GRIK2: variants seen among roughly 807,000 people sequenced by gnomAD.
GRIK2 encodes the protein glutamate ionotropic receptor kainate type subunit 2, also known as glutamate receptor ionotropic, kainate 2.
A neutral mutation model predicts 100.3 loss-of-function variants in GRIK2; 32 were observed. That is an observed-to-expected ratio of 0.32 (90% CI 0.24 to 0.43). GRIK2 has a LOEUF of 0.43. GRIK2 is among the 20% of genes least tolerant of loss of function. GRIK2 has a pLI of 1.00. For synonymous variants in GRIK2, 417 were observed against 389.4 expected (o/e 1.07, Z -0.83); for missense variants, 843 against 1,114.9 (o/e 0.76, Z 3.47).
At chr6:101,595,928 G>C (rs144689233) in intron 2 of GRIK2, among the ~76,000 whole-genome samples, 1 of 147,732 alleles carries the variant, frequency 6.8e-6, no homozygotes, top group Admixed American at 6.8e-5. Context: ...CTCTGCCCCG[G>C]TGTTCAGCTA....
At chr6:101,850,661 C>T (rs150164995) in intron 10 of GRIK2, among the ~76,000 whole-genome samples, 94 of 151,978 alleles carry the variant, frequency 6.2e-4, no homozygotes, top group African/African-American at 2.1e-3. Flanking sequence ...GTGCCAACTC[C>T]CAGTCTAATG....
Position 101,548,514 on chromosome 6 carries a change from G to A in GRIK2, c.116-73435G>A, listed in dbSNP as rs181465162. On this transcript the variant is annotated intron_variant, in intron 2 of 16. Coordinates refer to ENST00000369134, the MANE Select transcript of GRIK2 (RefSeq NM_021956.5). The stretch of plus-strand genomic sequence containing the variant: ...ATTTTTGTATAAGGTGTAAGGAAGG[G>A]GTCCAGTTTCAGCTTTCTACATATG... Among the ~76,000 whole-genome samples the A allele has an allele frequency of 6.6e-5, 10 of 152,218 alleles. No homozygotes were observed. The East Asian group carries it at 1.7e-3, about 26-fold the overall frequency.
chr6:101,421,223 G>A (rs1050318983), intron 2 of GRIK2, among the ~76,000 whole-genome samples: 4 of 152,168 alleles, frequency 2.6e-5, no homozygotes, highest in African/African-American at 9.7e-5. Flanking sequence ...TCTGCTCTGA[G>A]GAGCTCCATT....
At chr6:101,713,938 C>G (rs1773889517) in intron 7 of GRIK2, among the ~76,000 whole-genome samples, 1 of 151,704 alleles carries the variant, frequency 6.6e-6, no homozygotes, top group Non-Finnish European at 1.5e-5. Context: ...GAATTGCTTT[C>G]TTTCCTTCAT....
At chr6:101,910,156 G>A (rs1788573428) in intron 12 of GRIK2, among the ~76,000 whole-genome samples, 1 of 150,996 alleles carries the variant, frequency 6.6e-6, no homozygotes, top group Non-Finnish European at 1.5e-5. Context: ...AGTGGTATAT[G>A]TTTCTAAATT....
chr6:101,868,890 G>A (rs1174036605), intron 11 of GRIK2, among the ~76,000 whole-genome samples: 2 of 151,620 alleles, frequency 1.3e-5, no homozygotes, highest in Non-Finnish European at 2.9e-5. Flanking sequence ...ACATTTTTAG[G>A]TACTGAGAAA....
chr6:101,703,811 G>A (rs902432552), intron 7 of GRIK2, among the ~76,000 whole-genome samples: 25 of 151,442 alleles, frequency 1.7e-4, no homozygotes, highest in Admixed American at 4.0e-4. Context: ...TTAGATAGAA[G>A]CAGGGATTGT....
intron 2 of GRIK2, among the ~76,000 whole-genome samples, chr6:101,554,955 T>C (rs1431054864): frequency 1.3e-5 from 2 of 152,170 alleles, no homozygotes; most frequent in African/African-American, 4.8e-5. Context: ...ATCTTACAGC[T>C]ACATAGAAAA....
In GRIK2 at chr6:101,512,070, A is replaced by G. The variant is rs559907264; in HGVS notation, c.116-109879A>G. On this transcript the variant is annotated intron_variant, in intron 2 of 16. Coordinates refer to ENST00000369134, the MANE Select transcript of GRIK2 (RefSeq NM_021956.5). ...AAAAGATACATACATATATATATAT[A>G]TATATACACACATACATGAATACTT... is the stretch of plus-strand genomic sequence containing the variant. Among the ~76,000 whole-genome samples the G allele has an allele frequency of 4.8e-3, 730 of 151,582 alleles. 5 individuals carry two copies. The highest frequency in any genetic ancestry group is 0.017 in the African/African-American group (687 of 41,486).
At chr6:101,582,169 A>T (rs1410804558) in intron 2 of GRIK2, among the ~76,000 whole-genome samples, 1 of 152,020 alleles carries the variant, frequency 6.6e-6, no homozygotes, top group African/African-American at 2.4e-5. Flanking sequence ...TGCTGCACCC[A>T]TCAATCCATC....
chr6:101,500,557 C>T (rs1773693910), intron 2 of GRIK2, among the ~76,000 whole-genome samples: 2 of 151,980 alleles, frequency 1.3e-5, no homozygotes, highest in Admixed American at 6.6e-5. Context: ...TCAAAGTTTT[C>T]GGTCTCTAAT....
Position 101,621,984 on chromosome 6 carries a change from G to T in GRIK2, c.151G>T (p.Gly51Ter). The change falls in exon 3 of 17, where the codon GGA becomes TGA. Residue 51 changes from glycine to a stop codon, truncating the protein, a stop_gained. Transcript: ENST00000369134. LOFTEE classifies it high-confidence loss of function. ...IFEYVESGPM[G>*]AEELAFRFAV... ...TGAATATGTGGAATCTGGCCCAATGGGAGCTGAGGAACTTGCATTCAGATT... is the reference window on the plus strand; with the variant it reads ...TGAATATGTGGAATCTGGCCCAATGTGAGCTGAGGAACTTGCATTCAGATT... 1 of 1,610,136 alleles carries T rather than the reference G, an allele frequency of 6.2e-7. No homozygotes were observed. The highest frequency in any genetic ancestry group is 8.5e-7 in the Non-Finnish European group (1 of 1,176,712).
chr6:101,950,799 A>C (rs1328448781), intron 14 of GRIK2, among the ~76,000 whole-genome samples: 1 of 152,142 alleles, frequency 6.6e-6, no homozygotes, highest in Non-Finnish European at 1.5e-5. Flanking sequence ...AACACATTCC[A>C]CTGGATTCAA....
At chr6:101,718,942 G>T (rs1201823092) in intron 7 of GRIK2, among the ~76,000 whole-genome samples, 1 of 151,788 alleles carries the variant, frequency 6.6e-6, no homozygotes, top group Non-Finnish European at 1.5e-5. Flanking sequence ...ATGGAGAAAA[G>T]TTTCTGCAAT....
At chr6:101,718,571 T>C (rs1221073136) in intron 7 of GRIK2, among the ~76,000 whole-genome samples, 1 of 151,950 alleles carries the variant, frequency 6.6e-6, no homozygotes, top group Non-Finnish European at 1.5e-5. Flanking sequence ...AAATTCCATA[T>C]TCCCAACCAC....
chr6:101,906,305 T>G (rs1788215595), intron 12 of GRIK2, among the ~76,000 whole-genome samples: 1 of 151,386 alleles, frequency 6.6e-6, no homozygotes, highest in African/African-American at 2.4e-5. Flanking sequence ...GAAGGACTTT[T>G]GTGTGAAAGA....
At chr6:101,946,266 T>C (rs1168554105) in intron 14 of GRIK2, among the ~76,000 whole-genome samples, 2 of 152,128 alleles carry the variant, frequency 1.3e-5, no homozygotes, top group East Asian at 3.9e-4. Context: ...TGTATGTGTG[T>C]GCATACACAC....
At chr6:101,882,400 A>T (rs1358287827) in intron 11 of GRIK2, among the ~76,000 whole-genome samples, 1 of 152,142 alleles carries the variant, frequency 6.6e-6, no homozygotes, top group African/African-American at 2.4e-5. Context: ...CTCTAGAAAC[A>T]TTTTAGACCC....
chr6:101,644,041 T>G (rs1781407332), intron 4 of GRIK2, among the ~76,000 whole-genome samples: 1 of 151,726 alleles, frequency 6.6e-6, no homozygotes, highest in Admixed American at 6.6e-5. Context: ...TTATAAACTT[T>G]ATATACTGAT....
Sources: allele counts gnomAD v4.1 joint callset (sites outside exome capture counted in the v4.1 genomes callset), GRCh38; gene constraint gnomAD v4.1.1; transcripts MANE v1.5; gene names NCBI Gene and HGNC (gene_info 2026-07-23, HGNC 2026-07-21).